KIFAP3: variants seen among roughly 807,000 people sequenced by gnomAD.
KIFAP3 encodes kinesin associated protein 3.
In KIFAP3, 68 loss-of-function variants were observed where a neutral mutation model predicts 106.5. That is an observed-to-expected ratio of 0.64 (90% CI 0.53 to 0.78). The LOEUF is 0.78. Among genes scored for constraint, KIFAP3 ranks in the 30% least tolerant of loss-of-function variants. KIFAP3 has a pLI of 0.00. For synonymous variants in KIFAP3, 320 were observed against 311.5 expected (o/e 1.03, Z -0.29); for missense variants, 780 against 941.8 (o/e 0.83, Z 2.25).
At chr1:169,949,183 G>A (rs912724101) in intron 19 of KIFAP3, among the ~76,000 whole-genome samples, 2 of 151,668 alleles carry the variant, frequency 1.3e-5, no homozygotes, top group Non-Finnish European at 2.9e-5. Flanking sequence ...ATATGTATAT[G>A]TAATATATAA....
chr1:169,998,443 ACACT>A (rs1296379729), intron 10 of KIFAP3, among the ~76,000 whole-genome samples: 1 of 150,850 alleles, frequency 6.6e-6, no homozygotes, highest in Non-Finnish European at 1.5e-5. Flanking sequence ...CACACCACAC[ACACT>A]TTTTTTTTTT....
chr1:170,022,306 T>C (rs896730893), intron 9 of KIFAP3, among the ~76,000 whole-genome samples: 1 of 152,124 alleles, frequency 6.6e-6, no homozygotes, highest in Non-Finnish European at 1.5e-5. Context: ...AAACAGTCAA[T>C]GTAAAGTGAG....
At chr1:169,973,725 T>C (rs1026378701) in intron 16 of KIFAP3, among the ~76,000 whole-genome samples, 18 of 151,822 alleles carry the variant, frequency 1.2e-4, no homozygotes, top group Admixed American at 1.2e-3. Flanking sequence ...ACTGTCAACC[T>C]AGAAGTCTAT....
intron 18 of KIFAP3, among the ~76,000 whole-genome samples, chr1:169,957,362 A>G (rs887397612): frequency 1.3e-5 from 2 of 152,194 alleles, no homozygotes; most frequent in African/African-American, 4.8e-5. Flanking sequence ...TTTAGACCAC[A>G]GTTATAAAGC....
chr1:170,024,574 A>G lies in KIFAP3; in HGVS notation c.864T>C (p.Asn288=). The stretch of plus-strand genomic sequence containing the variant: ...GTTCGGTACGAGTATCCTCAGCAAG[A>G]TTCAGAAGCAAATAAAGAGCAACTA... ...LLRVALYLLL[N]LAEDTRTELK... The change falls in exon 9 of 20, where the codon AAT becomes AAC. Residue 288 remains asparagine, a synonymous_variant. Transcript: ENST00000361580. 1 of 1,568,760 alleles carries G rather than the reference A, an allele frequency of 6.4e-7. No homozygotes were observed. The highest frequency in any genetic ancestry group is 1.2e-5 in the South Asian group (1 of 81,932).
chr1:170,015,479 T>A (rs1668454239), intron 10 of KIFAP3, among the ~76,000 whole-genome samples: 1 of 152,218 alleles, frequency 6.6e-6, no homozygotes, highest in Non-Finnish European at 1.5e-5. Flanking sequence ...ACTTCTAAAA[T>A]GTATAATAAC....
intron 16 of KIFAP3, 149 bp downstream of exon 16, chr1:169,977,936 C>G (rs1666314098): frequency 3.2e-6 from 2 of 626,186 alleles, no homozygotes; most frequent in Non-Finnish European, 5.6e-6. Context: ...TCAACAGCTT[C>G]CATGGAAAAT....
At chr1:170,082,400 A>G (rs138132790) in intron 1 of KIFAP3, among the ~76,000 whole-genome samples, 268 of 152,366 alleles carry the variant, frequency 1.8e-3, no homozygotes, top group Middle Eastern at 6.8e-3. Flanking sequence ...CAGAAAGTAG[A>G]TAAGTGGTTG....
At chr1:170,032,389 A>G (rs1001822234) in intron 7 of KIFAP3, among the ~76,000 whole-genome samples, 1 of 151,808 alleles carries the variant, frequency 6.6e-6, no homozygotes, top group Non-Finnish European at 1.5e-5. Flanking sequence ...TACTAAGAAC[A>G]CTGGATTTTA....
intron 11 of KIFAP3, among the ~76,000 whole-genome samples, chr1:169,991,414 A>G (rs1264075267): frequency 6.6e-6 from 1 of 152,092 alleles, no homozygotes; most frequent in African/African-American, 2.4e-5. Flanking sequence ...CAGAATATGG[A>G]TAATAAACAC....
intron 1 of KIFAP3, among the ~76,000 whole-genome samples, chr1:170,073,164 G>C (rs1366836454): frequency 6.6e-6 from 1 of 152,112 alleles, no homozygotes; most frequent in Non-Finnish European, 1.5e-5. Context: ...ATTTTCTTCT[G>C]TCACAAAATT....
At chr1:169,927,596 C>G (rs893535529) in intron 19 of KIFAP3, among the ~76,000 whole-genome samples, 6 of 152,018 alleles carry the variant, frequency 3.9e-5, no homozygotes, top group African/African-American at 1.2e-4. Flanking sequence ...TTGCTATATC[C>G]CTAGGCTCTA....
chr1:170,003,574 T>C (rs1485292595), intron 10 of KIFAP3, among the ~76,000 whole-genome samples: 1 of 141,054 alleles, frequency 7.1e-6, no homozygotes. Flanking sequence ...GACAGGGACA[T>C]CTAAGTCTGC....
intron 17 of KIFAP3, among the ~76,000 whole-genome samples, 199 bp from the exon 18 acceptor site, chr1:169,961,434 C>T (rs935395251): frequency 2.6e-5 from 4 of 152,044 alleles, no homozygotes; most frequent in African/African-American, 7.2e-5. Flanking sequence ...TTTGTATTAT[C>T]GATCACTAAT....
intron 1 of KIFAP3, among the ~76,000 whole-genome samples, chr1:170,070,375 A>C (rs960587321): frequency 6.6e-6 from 1 of 152,264 alleles, no homozygotes; most frequent in Non-Finnish European, 1.5e-5. Context: ...AAGTTGGAGG[A>C]CTCACACTTC....
intron 1 of KIFAP3, chr1:170,084,977 G>A (rs185133508): frequency 6.6e-6 from 1 of 152,264 alleles, no homozygotes; most frequent in East Asian, 1.9e-4. Flanking sequence ...CTCCAAATGT[G>A]TTGTTTATAC....
At chr1:170,055,179 C>A in intron 2 of KIFAP3, 126 bp downstream of exon 2, 1 of 790,942 alleles carries the variant, frequency 1.3e-6, no homozygotes, top group Non-Finnish European at 1.9e-6. Context: ...CTCTCCTTCA[C>A]TAAGATGAAG....
chr1:169,925,231 T>C (rs1423209192), intron 19 of KIFAP3, among the ~76,000 whole-genome samples: 3 of 152,256 alleles, frequency 2.0e-5, no homozygotes, highest in African/African-American at 4.8e-5. Flanking sequence ...TTCCTTCGTA[T>C]TCAGATAACA....
At chr1:170,036,321 T>C (rs1669692710) in intron 5 of KIFAP3, among the ~76,000 whole-genome samples, 1 of 152,102 alleles carries the variant, frequency 6.6e-6, no homozygotes, top group Non-Finnish European at 1.5e-5. Context: ...AATAGTACTT[T>C]ATGGACTGCA....
Sources: gnomAD v4.1 joint callset for allele counts (sites outside exome capture counted in the v4.1 genomes callset) on GRCh38, gnomAD v4.1.1 for gene constraint, MANE v1.5 for transcripts, NCBI Gene and HGNC (gene_info 2026-07-23, HGNC 2026-07-21) for gene names.